The following GSE1 variants were observed in gnomAD, a reference collection of about 807,000 sequenced individuals.
The protein encoded by GSE1 is genetic suppressor element 1.
GSE1 carries 32 observed loss-of-function variants against 112.6 expected under a neutral mutation model. That is an observed-to-expected ratio of 0.28 (90% CI 0.21 to 0.38). The LOEUF is 0.38. Ranked by LOEUF, GSE1 falls within the 10% of genes least tolerant of loss-of-function variation. GSE1 has a pLI of 1.00. For missense variants in GSE1, 2,348 were observed against 1,699.2 expected, an observed-to-expected ratio of 1.38 and a Z score of -6.71; for synonymous variants, 1,115 against 735.6, an observed-to-expected ratio of 1.52 and a Z score of -8.35.
chr16:85,476,355 G>A (rs1056018867), intron 2 of GSE1, among the ~76,000 whole-genome samples: 2 of 152,212 alleles, frequency 1.3e-5, no homozygotes, highest in African/African-American at 4.8e-5. Context: ...CTGGGTTGAC[G>A]TTCAGGGATG....
chr16:85,239,020 C>T (rs945629102), intron 1 of GSE1, among the ~76,000 whole-genome samples: 3 of 152,066 alleles, frequency 2.0e-5, no homozygotes, highest in South Asian at 2.1e-4. Flanking sequence ...CTCTGCCTCC[C>T]GGGTTCAAGC....
intron 1 of GSE1, among the ~76,000 whole-genome samples, chr16:85,284,047 C>T (rs1327670537): frequency 2.6e-5 from 4 of 152,152 alleles, no homozygotes; most frequent in Non-Finnish European, 5.9e-5. Flanking sequence ...TCCACAGTCC[C>T]TCCCAGCAAT....
At chr16:85,324,195 A>G (rs970142859) in intron 1 of GSE1, among the ~76,000 whole-genome samples, 21 of 152,254 alleles carry the variant, frequency 1.4e-4, no homozygotes, top group African/African-American at 5.1e-4. Context: ...CAGTTACTGC[A>G]CTGTAGGTAC....
At chr16:85,272,136 C>T (rs1214497715) in intron 1 of GSE1, among the ~76,000 whole-genome samples, 1 of 152,228 alleles carries the variant, frequency 6.6e-6, no homozygotes, top group Non-Finnish European at 1.5e-5. Flanking sequence ...TAGCTGGGTG[C>T]ACACGCAGGC....
intron 2 of GSE1, among the ~76,000 whole-genome samples, chr16:85,397,985 G>A (rs1597599187): frequency 6.6e-6 from 1 of 152,026 alleles, no homozygotes; most frequent in African/African-American, 2.4e-5. Context: ...TCGTGGGGGT[G>A]GGGTTGGGGG....
At chr16:85,308,289 T>C (rs1171506702) in intron 1 of GSE1, among the ~76,000 whole-genome samples, 2 of 151,874 alleles carry the variant, frequency 1.3e-5, no homozygotes. Context: ...CTCCCACCAT[T>C]CTGTGGACAC....
chr16:85,472,024 C>T (rs1036364424), intron 2 of GSE1, among the ~76,000 whole-genome samples: 1 of 152,220 alleles, frequency 6.6e-6, no homozygotes, highest in African/African-American at 2.4e-5. Context: ...CTGTCCTGTG[C>T]TTTGTAGGTT....
intron 1 of GSE1, among the ~76,000 whole-genome samples, chr16:85,177,091 T>G (rs2074482550): frequency 6.6e-6 from 1 of 152,152 alleles, no homozygotes; most frequent in Non-Finnish European, 1.5e-5. Context: ...GTGCCCCTCC[T>G]AAACCCGGAG....
intron 1 of GSE1, among the ~76,000 whole-genome samples, chr16:85,310,774 C>T (rs2045817742): frequency 6.6e-6 from 1 of 151,774 alleles, no homozygotes; most frequent in Non-Finnish European, 1.5e-5. Flanking sequence ...CAACCTCTGG[C>T]CTGCGTCCCC....
At position 85,478,869 on chromosome 16, in the gene GSE1, TTC is replaced by T. The variant is rs1207599271; in HGVS notation, c.2464+121228_2464+121229del. The stretch of plus-strand genomic sequence containing the variant: ...TTTCTTTCTTTCTTTCTTTCTTTCT[TTC>T]TTTCTTTCTTTCTTTCTTTCTTTCT... On this transcript the variant is annotated intron_variant, in intron 2 of 2. Coordinates refer to the GSE1 transcript ENST00000637419. Among the ~76,000 whole-genome samples the T allele has an allele frequency of 4.1e-3, 182 of 44,468 alleles. 4 individuals are homozygous for T. The highest frequency in any genetic ancestry group is 0.031 in the African/African-American group (164 of 5,330). 29.2% of individuals were successfully genotyped at this position (44,468 alleles called of 152,430 possible).
chr16:85,462,221 G>A (rs956725065), intron 2 of GSE1, among the ~76,000 whole-genome samples: 2 of 152,164 alleles, frequency 1.3e-5, no homozygotes, highest in Non-Finnish European at 2.9e-5. Flanking sequence ...CCTCCTGGGG[G>A]ATGGGCTCAG....
At chr16:85,338,355 G>C (rs902515719) in intron 1 of GSE1, among the ~76,000 whole-genome samples, 1 of 152,240 alleles carries the variant, frequency 6.6e-6, no homozygotes, top group Non-Finnish European at 1.5e-5. Context: ...GCTCTGAGTG[G>C]TAGATGTCCC....
intron 1 of GSE1, among the ~76,000 whole-genome samples, chr16:85,575,033 TCCCCGCTC>T (rs1437997205): frequency 1.4e-5 from 2 of 145,184 alleles, no homozygotes; most frequent in African/African-American, 5.0e-5. Context: ...GGGGAGCGGC[TCCCCGCTC>T]CCCCTCTCCC....
At chr16:85,336,065 G>T (rs997632165) in intron 1 of GSE1, among the ~76,000 whole-genome samples, 2 of 152,258 alleles carry the variant, frequency 1.3e-5, no homozygotes, top group African/African-American at 4.8e-5. Flanking sequence ...GGAGGAACAG[G>T]GCGTGGAGGC....
intron 2 of GSE1, among the ~76,000 whole-genome samples, chr16:85,388,496 A>G (rs1249507841): frequency 9.4e-5 from 13 of 138,530 alleles, no homozygotes; most frequent in African/African-American, 2.2e-4. Flanking sequence ...GGGTGGGTGG[A>G]TGGATGGATG....
intron 2 of GSE1, among the ~76,000 whole-genome samples, chr16:85,458,424 G>A (rs2049890501): frequency 6.6e-6 from 1 of 152,234 alleles, no homozygotes; most frequent in South Asian, 2.1e-4. Context: ...ATGCACCCCA[G>A]GGCAGCCAGA....
rs552911516 is a variant in GSE1, at chr16:85,438,992, A to ATCAG, written c.2464+81350_2464+81353dup. Among the ~76,000 whole-genome samples the ATCAG allele has an allele frequency of 8.5e-5, 13 of 152,256 alleles. No homozygotes were observed. In the South Asian group the frequency reaches 2.3e-3, roughly 27 times the overall value. ...CTGCACCTCTGCCCCAGGCCCTGTG[A>ATCAG]TCAGAGTCAACCTCCCCACACGGTG... On this transcript the variant is annotated intron_variant, in intron 2 of 2. Coordinates refer to the GSE1 transcript ENST00000637419.
chr16:85,672,787 G>A lies in GSE1; in HGVS notation c.*248G>A, dbSNP rs975934534. On this transcript the variant is annotated 3_prime_UTR_variant, in exon 16 of 16. Coordinates refer to ENST00000253458, the MANE Select transcript of GSE1 (RefSeq NM_014615.5). ...GCCCACAGTTTTTCTTTTTAAAGGT[G>A]GTTTTCGCCCTTCCTCTCCCACATT... The A allele has an allele frequency of 4.5e-5, 14 of 308,876 alleles. No individual in the cohort carries two copies. Among genetic ancestry groups the A allele is most frequent in the Non-Finnish European group, 8.4e-5 (14 of 167,410 alleles). The allele number at this position is 308,876 out of a possible 1,614,324, so 19.1% of individuals were successfully genotyped here.
chr16:85,587,298 C>T (rs552423535), intron 1 of GSE1, among the ~76,000 whole-genome samples: 1 of 152,318 alleles, frequency 6.6e-6, no homozygotes, highest in African/African-American at 2.4e-5. Context: ...GCAGATGGCG[C>T]TGGTATTAGG....
Sources: allele counts gnomAD v4.1 joint callset (sites outside exome capture counted in the v4.1 genomes callset), GRCh38; gene constraint gnomAD v4.1.1; transcripts MANE v1.5; gene names NCBI Gene and HGNC (gene_info 2026-07-23, HGNC 2026-07-21).